LMO2: variants seen among roughly 807,000 people sequenced by gnomAD.
LMO2 encodes rhombotin-2.
Under a neutral mutation model 23.2 loss-of-function variants are expected in LMO2, and 20 were observed. The ratio of observed to expected loss-of-function variants is 0.86; its 90% CI spans 0.61 to 1.25. The LOEUF is 1.25. Ranked by LOEUF, LMO2 falls within the 50% of genes most tolerant of loss-of-function variation. LMO2 has a pLI of 0.00. For synonymous variants in LMO2, 123 were observed against 130.2 expected (o/e 0.94, Z 0.38); for missense variants, 270 against 315.3 (o/e 0.86, Z 1.09).
intron 4 of LMO2, 87 bp downstream of exon 4, chr11:33,869,259 C>T: frequency 9.7e-7 from 1 of 1,027,894 alleles, no homozygotes; most frequent in Non-Finnish European, 1.2e-6. Context: ...CCTGGAGCCC[C>T]CTCGCGGGCC....
At chr11:33,888,131 C>T (rs1185457103) in intron 1 of LMO2, among the ~76,000 whole-genome samples, 1 of 152,232 alleles carries the variant, frequency 6.6e-6, no homozygotes, top group Non-Finnish European at 1.5e-5. Context: ...AGCCAGGCAG[C>T]TGCAGGGCCA....
chr11:33,873,551 T>C (rs947080846), intron 2 of LMO2, among the ~76,000 whole-genome samples: 1 of 152,226 alleles, frequency 6.6e-6, no homozygotes, highest in East Asian at 1.9e-4. Flanking sequence ...ACATGCCTTA[T>C]GCAGAAGAGA....
chr11:33,871,980 C>A (rs1857034363), intron 2 of LMO2, among the ~76,000 whole-genome samples: 1 of 152,064 alleles, frequency 6.6e-6, no homozygotes, highest in South Asian at 2.1e-4. Context: ...TCCCAGTATC[C>A]TGGCCGGGCT....
intron 4 of LMO2, among the ~76,000 whole-genome samples, chr11:33,868,367 C>A (rs2133696319): frequency 6.6e-6 from 1 of 152,334 alleles, no homozygotes; most frequent in South Asian, 2.1e-4. Context: ...CATTAACCAG[C>A]TCCTTTGGTC....
rs748071263 is a variant in LMO2, at chr11:33,859,343, C to T, written c.*13G>A. ...CAGTGAACACCTCCCCAAAGATGCC[C>T]GGGGACTCGGGCCTATATCATCCCA... On this transcript the variant is annotated 3_prime_UTR_variant, in exon 6 of 6. Coordinates refer to ENST00000257818, the MANE Select transcript of LMO2 (RefSeq NM_005574.4). The T allele has an allele frequency of 8.8e-6, 14 of 1,598,172 alleles. No individual in the cohort carries two copies. The highest frequency in any genetic ancestry group is 6.6e-5 in the South Asian group (6 of 90,562).
At chr11:33,881,258 G>T (rs1411844999) in intron 2 of LMO2, 3 of 456,956 alleles carry the variant, frequency 6.6e-6, no homozygotes, top group South Asian at 1.5e-5. Flanking sequence ...ATTGCAGAAG[G>T]CCGCCTTGGG....
Position 33,869,544 on chromosome 11 carries a change from G to A in LMO2, c.50C>T (p.Pro17Leu). ...TVLERGGASS[P>L]AERRSKRRRR... ...CCTCCGCTTGCTCCGGCGCTCCGCC[G>A]GCGAGCTCGCCCCTCCGCGCTCAAG... is the stretch of plus-strand genomic sequence containing the variant. Residue 17 changes from proline to leucine, a missense_variant, in exon 4 of 6, where the codon CCG becomes CTG. By Grantham distance (98) the Pro-to-Leu change is moderately conservative. Around this residue, in one of 2 missense-constraint regions of LMO2, gnomAD observed 170 missense variants for 162.0 expected, o/e 1.05. Coordinates refer to ENST00000257818, the MANE Select transcript of LMO2 (RefSeq NM_005574.4). 1 of 1,273,784 alleles carries A rather than the reference G, an allele frequency of 7.9e-7. No individual in the cohort carries two copies. The allele number at this position is 1,273,784 out of a possible 1,614,324, so 78.9% of individuals were successfully genotyped here. A position where few individuals can be genotyped will look rare whatever the true frequency, so the allele number is the denominator to read the frequency against.
intron 5 of LMO2, among the ~76,000 whole-genome samples, chr11:33,860,046 T>A (rs549690676): frequency 3.3e-4 from 50 of 152,342 alleles, no homozygotes; most frequent in Middle Eastern, 3.4e-3. Context: ...AACTCTATCA[T>A]GTCAACAGCC....
At chr11:33,865,028 G>C (rs1281070811) in intron 4 of LMO2, 1 of 609,954 alleles carries the variant, frequency 1.6e-6, no homozygotes, top group Non-Finnish European at 3.0e-6. Flanking sequence ...TTACTCCCTA[G>C]ATGTCTAAGA....
chr11:33,870,459 ACGGGCTG>A, intron 2 of LMO2: 6 of 985,478 alleles, frequency 6.1e-6, no homozygotes, highest in Non-Finnish European at 7.2e-6. Flanking sequence ...GCTGCGGGCT[ACGGGCTG>A]CGGGCCCCAG....
At chr11:33,867,903 T>C (rs1856844860) in intron 4 of LMO2, among the ~76,000 whole-genome samples, 1 of 152,254 alleles carries the variant, frequency 6.6e-6, no homozygotes, top group Non-Finnish European at 1.5e-5. Context: ...CACTCCCTTA[T>C]TGTGTTACTA....
In LMO2 at chr11:33,869,346, T is replaced by G; in HGVS notation, c.248A>C (p.Glu83Ala). The change falls in exon 4 of 6, where the codon GAG (glutamate) becomes GCG (alanine). Residue 83 changes from glutamate (E) to alanine (A), a missense_variant and splice_region_variant. Physicochemically the swap from Glu to Ala is moderately radical, Grantham distance 107. This residue lies in a region of LMO2 where 170 missense variants were observed against 162.0 expected (regional missense o/e 1.05). Transcript: ENST00000257818. ...AIERKSLDPS[E>A]EPVDEVLQIP... is the part of the protein sequence containing the mutation. ...GCAGGGGCAGGGGGGCCGCACTTACTCTGAAGGGTCCAGGCTCTTCCTTTC... is the reference window on the plus strand; with the variant it reads ...GCAGGGGCAGGGGGGCCGCACTTACGCTGAAGGGTCCAGGCTCTTCCTTTC... The G allele has an allele frequency of 8.4e-7, 1 of 1,186,494 alleles. No homozygotes were observed. The allele number at this position is 1,186,494 out of a possible 1,614,324, so 73.5% of individuals were successfully genotyped here.
rs1856953786 is a variant in LMO2, at chr11:33,869,802, C to A, written c.-86G>T. ...CCCGCGGGGATGGTGTGCGCCCGCC[C>A]GGCCGCCCGGAGCCCCTCGCACCTT... On this transcript the variant is annotated 5_prime_UTR_variant, in exon 3 of 6. Coordinates refer to ENST00000257818, the MANE Select transcript of LMO2 (RefSeq NM_005574.4). 2.7e-6 allele frequency: 3 copies of A among 1,117,366 alleles called. No homozygotes were observed. Among genetic ancestry groups the A allele is most frequent in the South Asian group, 8.6e-5 (2 of 23,310 alleles). 69.2% of individuals were successfully genotyped at this position (1,117,366 alleles called of 1,614,324 possible). A position where few individuals can be genotyped will look rare whatever the true frequency, so the allele number is the denominator to read the frequency against.
chr11:33,859,313 G>A lies in LMO2; in HGVS notation c.*43C>T, dbSNP rs1357629334. ...AAGACGAAGATGCCATGGAGACGGC[G>A]TCTTCAGTGAACACCTCCCCAAAGA... On this transcript the variant is annotated 3_prime_UTR_variant, in exon 6 of 6. Transcript: ENST00000257818. The A allele has an allele frequency of 1.2e-5, 17 of 1,451,004 alleles. No homozygotes were observed. The highest frequency in any genetic ancestry group is 6.8e-5 in the East Asian group (3 of 43,940). 89.9% of individuals were successfully genotyped at this position (1,451,004 alleles called of 1,614,324 possible). A position where few individuals can be genotyped will look rare whatever the true frequency, so the allele number is the denominator to read the frequency against.
Position 33,864,929 on chromosome 11 carries a change from C to T in LMO2, c.249-112G>A. The T allele has an allele frequency of 1.1e-6, 1 of 929,108 alleles. No homozygotes were observed. Among genetic ancestry groups the T allele is most frequent in the Non-Finnish European group, 1.7e-6 (1 of 582,740 alleles). 57.6% of individuals were successfully genotyped at this position (929,108 alleles called of 1,614,324 possible). ...ATCTCACCTGACTGCCTTTCAGTGA[C>T]CTAAGGGAGAAGGGACAGGACAACA... On this transcript the variant is annotated intron_variant, in intron 4 of 5. Coordinates refer to ENST00000257818, the MANE Select transcript of LMO2 (RefSeq NM_005574.4). The surrounding 1 kb of genome is among the most constrained non-coding windows in gnomAD (Gnocchi z 4.8).
chr11:33,862,945 C>G (rs568426048), intron 5 of LMO2, among the ~76,000 whole-genome samples: 1 of 147,434 alleles, frequency 6.8e-6, no homozygotes, highest in African/African-American at 2.5e-5. Context: ...TTCTCCCAGA[C>G]TGTTTTTTTT....
At chr11:33,865,531 G>C (rs540596814) in intron 4 of LMO2, among the ~76,000 whole-genome samples, 1 of 152,300 alleles carries the variant, frequency 6.6e-6, no homozygotes, top group South Asian at 2.1e-4. Context: ...ATATCGTAAG[G>C]CCATTGTTAC....
At position 33,869,786 on chromosome 11, in the gene LMO2, A is replaced by G; in HGVS notation, c.-70T>C. 1 of 1,156,282 alleles carries G rather than the reference A, an allele frequency of 8.6e-7. No individual in the cohort carries two copies. The allele number at this position is 1,156,282 out of a possible 1,614,324, so 71.6% of individuals were successfully genotyped here. ...CGCCGGCTCCGCGCCGCCCGCGGGGATGGTGTGCGCCCGCCCGGCCGCCCG... is the reference window on the plus strand; with the variant it reads ...CGCCGGCTCCGCGCCGCCCGCGGGGGTGGTGTGCGCCCGCCCGGCCGCCCG... On this transcript the variant is annotated 5_prime_UTR_variant, in exon 3 of 6. Transcript: ENST00000257818.
chr11:33,866,149 AG>A (rs1275306049), intron 4 of LMO2, among the ~76,000 whole-genome samples: 1 of 152,214 alleles, frequency 6.6e-6, no homozygotes, highest in Non-Finnish European at 1.5e-5. Flanking sequence ...TGGGGACAGG[AG>A]GCTAGGTGGC....
Sources: gnomAD v4.1 joint callset for allele counts (sites outside exome capture counted in the v4.1 genomes callset) on GRCh38, gnomAD v4.1.1 for gene constraint, gnomAD v4.1.1 regional missense constraint, Gnocchi (gnomAD v3.1) non-coding constraint, MANE v1.5 for transcripts, NCBI Gene and HGNC (gene_info 2026-07-23, HGNC 2026-07-21) for gene names.